Variants in MGAT5 observed in about 807,000 individuals in gnomAD.
MGAT5 encodes alpha-1,6-mannosylglycoprotein 6-beta-N-acetylglucosaminyltransferase A.
Under a neutral mutation model 94.3 loss-of-function variants are expected in MGAT5, and 30 were observed. The observed-to-expected ratio is 0.32, with a 90% CI of 0.24 to 0.43. MGAT5 has a LOEUF of 0.43. Ranked by LOEUF, MGAT5 falls within the 20% of genes least tolerant of loss-of-function variation. The probability of loss-of-function intolerance (pLI) is 1.00; values close to 1 mark genes in which losing one functional copy is unlikely to be tolerated. For missense variants in MGAT5, 691 were observed against 905.5 expected, an observed-to-expected ratio of 0.76 and a Z score of 3.04; for synonymous variants, 310 against 322.9, an observed-to-expected ratio of 0.96 and a Z score of 0.43.
At chr2:134,360,720 T>C (rs1680032632) in intron 9 of MGAT5, among the ~76,000 whole-genome samples, 1 of 152,200 alleles carries the variant, frequency 6.6e-6, no homozygotes. Flanking sequence ...CCTCAGCTTC[T>C]CAAAAGGGGG....
At chr2:134,339,190 T>C (rs1688495625) in intron 6 of MGAT5, among the ~76,000 whole-genome samples, 1 of 152,218 alleles carries the variant, frequency 6.6e-6, no homozygotes, top group African/African-American at 2.4e-5. Flanking sequence ...CTTGAATTTG[T>C]GAGACAACAG....
intron 10 of MGAT5, among the ~76,000 whole-genome samples, chr2:134,398,720 A>G (rs1255010327): frequency 2.8e-5 from 4 of 142,828 alleles, no homozygotes; most frequent in African/African-American, 1.0e-4. Flanking sequence ...AAATATGTAC[A>G]TAATGGAATA....
At chr2:134,180,674 G>A (rs1018866024) in intron 1 of MGAT5, among the ~76,000 whole-genome samples, 5 of 152,118 alleles carry the variant, frequency 3.3e-5, no homozygotes, top group East Asian at 1.9e-4. Context: ...CCCTCACCAC[G>A]GTTCTCATCT....
chr2:134,438,051 C>G (rs76058027), intron 14 of MGAT5, among the ~76,000 whole-genome samples: 11,827 of 151,408 alleles, frequency 0.078, 721 homozygotes, highest in African/African-American at 0.17. Context: ...TTGAGTATCC[C>G]TAATCTGAAA....
At chr2:134,266,473 G>A (rs1025868280) in intron 1 of MGAT5, among the ~76,000 whole-genome samples, 3 of 152,124 alleles carry the variant, frequency 2.0e-5, no homozygotes, top group Middle Eastern at 3.2e-3. Flanking sequence ...CGCCTGCCTC[G>A]GCCTCCCAAA....
chr2:134,444,135 G>A (rs1399505647), intron 15 of MGAT5, among the ~76,000 whole-genome samples: 1 of 152,112 alleles, frequency 6.6e-6, no homozygotes, highest in Non-Finnish European at 1.5e-5. Flanking sequence ...CTAGGTGATA[G>A]GTAAGATAAT....
At chr2:134,198,406 A>C (rs1269463420) in intron 1 of MGAT5, among the ~76,000 whole-genome samples, 2 of 152,224 alleles carry the variant, frequency 1.3e-5, no homozygotes. Flanking sequence ...AGCAAGGAGC[A>C]GGAAGTTGGC....
At chr2:134,410,170 G>A (rs2043873) in intron 11 of MGAT5, among the ~76,000 whole-genome samples, 132,382 of 152,224 alleles carry the variant, frequency 0.87, 58,374 homozygotes, top group Non-Finnish European at 0.94. Context: ...AAGCAATTCA[G>A]TGTGGTTAAG....
intron 2 of MGAT5, among the ~76,000 whole-genome samples, chr2:134,286,197 T>C (rs1684990024): frequency 6.6e-6 from 1 of 152,220 alleles, no homozygotes; most frequent in Non-Finnish European, 1.5e-5. Flanking sequence ...TTTACCATGC[T>C]TTTATTCAGT....
intron 1 of MGAT5, among the ~76,000 whole-genome samples, chr2:134,167,219 A>G (rs965072055): frequency 6.6e-6 from 1 of 152,228 alleles, no homozygotes; most frequent in Admixed American, 6.5e-5. Context: ...TTACTATTTA[A>G]GTGATCACAT....
intron 10 of MGAT5, among the ~76,000 whole-genome samples, chr2:134,392,264 C>T (rs1682458470): frequency 6.6e-6 from 1 of 152,150 alleles, no homozygotes; most frequent in Non-Finnish European, 1.5e-5. Context: ...TTGGAAGGTA[C>T]TCTAATTAGA....
intron 1 of MGAT5, among the ~76,000 whole-genome samples, chr2:134,189,602 G>GTTTTGTTCTGTTTTTTTTT (rs1553490380): frequency 1.2e-5 from 1 of 84,672 alleles, no homozygotes; most frequent in African/African-American, 4.8e-5. Context: ...GTTTTTTTTT[G>GTTTTGTTCTGTTTTTTTTT]TTTTTTTTTT....
chr2:134,316,213 C>T (rs1461765398), intron 2 of MGAT5, among the ~76,000 whole-genome samples: 3 of 152,174 alleles, frequency 2.0e-5, no homozygotes, highest in Non-Finnish European at 4.4e-5. Flanking sequence ...CCCTCCATAA[C>T]ATTATTCTGC....
chr2:134,175,195 C>T (rs1035428727), intron 1 of MGAT5, among the ~76,000 whole-genome samples: 12 of 152,224 alleles, frequency 7.9e-5, no homozygotes, highest in Admixed American at 5.9e-4. Flanking sequence ...TTTCATGTTT[C>T]TTTGTCTTTC....
rs926019736 is a variant in MGAT5 at position 134,400,537 on chromosome 2, C to T, written c.1381-2451C>T. 1.2e-4 allele frequency among the ~76,000 whole-genome samples: 18 copies of T among 152,206 alleles called. No homozygotes were observed. The East Asian group carries it at 1.9e-3, about 16-fold the overall frequency. Reference sequence around the variant, plus strand: ...CTTGTTATACTTCAAGAAACCCCAGCCTTTTCTGGGATTTAATGGTAATAC... The same window carrying T: ...CTTGTTATACTTCAAGAAACCCCAGTCTTTTCTGGGATTTAATGGTAATAC... On this transcript the variant is annotated intron_variant, in intron 10 of 15. Coordinates refer to ENST00000281923, the MANE Select transcript of MGAT5 (RefSeq NM_002410.5).
At chr2:134,246,308 C>T (rs186740608) in intron 1 of MGAT5, among the ~76,000 whole-genome samples, 1 of 152,154 alleles carries the variant, frequency 6.6e-6, no homozygotes, top group Non-Finnish European at 1.5e-5. Flanking sequence ...TCACAGCTGT[C>T]AGGGATTCAC....
rs1680147839 is a variant in MGAT5 at position 134,362,298 on chromosome 2, C to T, written c.1270C>T (p.Leu424=). Residue 424 remains leucine (L), a synonymous_variant, in exon 10 of 16, where the codon CTG becomes TTG. Transcript: ENST00000281923. ...AGCTCATACCCCAGACAACAGCTTT[C>T]TGGGGTTTGTGGTTGAGCAGCACCT... ...MFPHTPDNSF[L]GFVVEQHLNS... is the part of the protein sequence containing the mutation. 6.2e-7 allele frequency: 1 copy of T among 1,614,002 alleles called. No individual in the cohort carries two copies. Among genetic ancestry groups the T allele is most frequent in the East Asian group, 2.2e-5 (1 of 44,886 alleles).
At position 134,256,310 on chromosome 2, in the gene MGAT5, T is replaced by C. The variant is rs111926314; in HGVS notation, c.241+1666T>C. Among the ~76,000 whole-genome samples the C allele has an allele frequency of 6.2e-4, 95 of 152,322 alleles. 2 individuals are homozygous for C. Among genetic ancestry groups the C allele is most frequent in the African/African-American group, 2.1e-3 (89 of 41,574 alleles). ...ATAAAGCTGATTGTCACCATTAGTG[T>C]TACCAATGTATATGACACAGCAGGT... On this transcript the variant is annotated intron_variant, in intron 1 of 15. Coordinates refer to ENST00000281923, the MANE Select transcript of MGAT5 (RefSeq NM_002410.5).
chr2:134,259,949 A>C (rs947927387), intron 1 of MGAT5, among the ~76,000 whole-genome samples: 25 of 152,340 alleles, frequency 1.6e-4, no homozygotes, highest in Admixed American at 4.6e-4. Flanking sequence ...GCTACTTTGC[A>C]CTAGAAGGTC....
Sources: allele counts gnomAD v4.1 joint callset (sites outside exome capture counted in the v4.1 genomes callset), GRCh38; gene constraint gnomAD v4.1.1; transcripts MANE v1.5; gene names NCBI Gene and HGNC (gene_info 2026-07-23, HGNC 2026-07-21).